CAMTA1: variants seen among roughly 807,000 people sequenced by gnomAD.
CAMTA1 encodes calmodulin binding transcription activator 1.
CAMTA1 carries 27 observed loss-of-function variants against 170.9 expected under a neutral mutation model. The observed-to-expected ratio is 0.16, with a 90% confidence interval of 0.12 to 0.22. CAMTA1 has a LOEUF of 0.22. Ranked by LOEUF, CAMTA1 falls within the 10% of genes least tolerant of loss-of-function variation. The pLI, the probability that CAMTA1 is intolerant of heterozygous loss-of-function variation, is 1.00. For synonymous variants in CAMTA1, 833 were observed against 891.5 expected, an observed-to-expected ratio of 0.93 and a Z score of 1.17; for missense variants, 1,619 against 2,217.2, an observed-to-expected ratio of 0.73 and a Z score of 5.42.
intron 3 of CAMTA1, among the ~76,000 whole-genome samples, chr1:6,892,048 C>G (rs1157360209): frequency 1.3e-5 from 2 of 152,222 alleles, no homozygotes; most frequent in Non-Finnish European, 2.9e-5. Flanking sequence ...CTTCTGCCAT[C>G]AGGAGGCTTT....
chr1:6,820,728 A>C (rs530802783), intron 2 of CAMTA1, among the ~76,000 whole-genome samples: 6 of 152,196 alleles, frequency 3.9e-5, no homozygotes, highest in Non-Finnish European at 8.8e-5. Context: ...GGATTAAATG[A>C]AAGAGTGCAA....
chr1:6,951,504 GT>G (rs1482261223), intron 3 of CAMTA1, among the ~76,000 whole-genome samples: 2 of 152,150 alleles, frequency 1.3e-5, no homozygotes, highest in South Asian at 4.1e-4. Flanking sequence ...AAATGTCTCC[GT>G]TTTCTCCTCC....
intron 5 of CAMTA1, among the ~76,000 whole-genome samples, chr1:7,379,429 A>T (rs2149051992): frequency 6.6e-6 from 1 of 152,298 alleles, no homozygotes; most frequent in Non-Finnish European, 1.5e-5. Context: ...ATCCATTGTG[A>T]GGGATCGTTA....
At chr1:7,140,453 C>G (rs1156646132) in intron 4 of CAMTA1, among the ~76,000 whole-genome samples, 2 of 152,190 alleles carry the variant, frequency 1.3e-5, no homozygotes, top group Non-Finnish European at 2.9e-5. Flanking sequence ...GGGGTCAACT[C>G]CAGCTCTCTC....
rs146586518 is a variant in CAMTA1 at position 6,979,425 on chromosome 1, G to A, written c.235-111879G>A. Among the ~76,000 whole-genome samples, 775 of 152,306 alleles carry A rather than the reference G, an allele frequency of 5.1e-3. 12 individuals carry two copies. The highest frequency in any genetic ancestry group is 0.017 in the African/African-American group (724 of 41,568). On this transcript the variant is annotated intron_variant, in intron 3 of 22. Coordinates refer to ENST00000303635, the MANE Select transcript of CAMTA1 (RefSeq NM_015215.4). Reference sequence around the variant, plus strand: ...CTCCAGAGAAAGATCCATTTAAACCGTGTGCATATGGGGAGGAGTCTCTGG... The same window carrying A: ...CTCCAGAGAAAGATCCATTTAAACCATGTGCATATGGGGAGGAGTCTCTGG...
chr1:7,237,446 A>C (rs1207754439), intron 4 of CAMTA1, among the ~76,000 whole-genome samples: 1 of 152,188 alleles, frequency 6.6e-6, no homozygotes, highest in Non-Finnish European at 1.5e-5. Flanking sequence ...GGAAATGATC[A>C]GTTAGTGACA....
chr1:7,753,586 T>C (rs1288194645), intron 21 of CAMTA1, among the ~76,000 whole-genome samples: 2 of 152,248 alleles, frequency 1.3e-5, no homozygotes, highest in African/African-American at 2.4e-5. Context: ...TTTGAAAATA[T>C]CTTGCCTTTA....
At chr1:7,174,846 AG>A (rs1650442783) in intron 4 of CAMTA1, among the ~76,000 whole-genome samples, 1 of 152,228 alleles carries the variant, frequency 6.6e-6, no homozygotes, top group African/African-American at 2.4e-5. Flanking sequence ...TGTCCTCGTC[AG>A]GCAGGCAGCT....
chr1:7,169,501 A>C (rs1160067021), intron 4 of CAMTA1, among the ~76,000 whole-genome samples: 1 of 152,080 alleles, frequency 6.6e-6, no homozygotes, highest in Non-Finnish European at 1.5e-5. Flanking sequence ...ATAATTTGTC[A>C]ATTTCATTTA....
At chr1:7,344,172 G>C (rs1319872242) in intron 5 of CAMTA1, among the ~76,000 whole-genome samples, 1 of 152,206 alleles carries the variant, frequency 6.6e-6, no homozygotes, top group Admixed American at 6.5e-5. Flanking sequence ...ATGATTGAGG[G>C]CTGGACCCTT....
intron 5 of CAMTA1, among the ~76,000 whole-genome samples, chr1:7,346,259 C>T (rs187616104): frequency 1.2e-4 from 18 of 152,240 alleles, no homozygotes; most frequent in Non-Finnish European, 2.4e-4. Flanking sequence ...TGCTGTGTGA[C>T]CTTGGACAGG....
Position 7,671,016 on chromosome 1 carries a change from G to A in CAMTA1, c.2758G>A (p.Val920Met), listed in dbSNP as rs2096055897. The change falls in exon 10 of 23, where the codon GTG (valine) becomes ATG (methionine). Residue 920 changes from valine to methionine, a missense_variant. By Grantham distance (21) the Val-to-Met change is conservative (BLOSUM62 1). Around this residue, in one of 8 missense-constraint regions of CAMTA1, gnomAD observed 29 missense variants for 70.9 expected, o/e 0.41. Coordinates refer to ENST00000303635, the MANE Select transcript of CAMTA1 (RefSeq NM_015215.4). The part of the protein sequence containing the change: ...SVPASLIQPG[V>M]LRCYCPAHDT... ...GCCTGCATCCCTGATTCAGCCTGGG[G>A]TGCTGCGCTGCTACTGCCCAGGTGA... is the stretch of plus-strand genomic sequence containing the variant. 6.2e-7 allele frequency: 1 copy of A among 1,613,550 alleles called. No homozygotes were observed. Among genetic ancestry groups the A allele is most frequent in the Non-Finnish European group, 8.5e-7 (1 of 1,179,970 alleles).
intron 6 of CAMTA1, among the ~76,000 whole-genome samples, chr1:7,595,804 T>C (rs1576303878): frequency 6.6e-6 from 1 of 152,216 alleles, no homozygotes; most frequent in African/African-American, 2.4e-5. Context: ...GGTCTGACTG[T>C]TGTGTTTTCA....
rs555716043 is a variant in CAMTA1, at chr1:6,918,447, T to C, written c.234+93237T>C. The stretch of plus-strand genomic sequence containing the variant: ...TTACATCATTAATCATTGGCAGTAA[T>C]AGAAAAGTCATTGGAATAGAATGTT... On this transcript the variant is annotated intron_variant, in intron 3 of 22. Transcript: ENST00000303635. The surrounding 1 kb of genome is among the most constrained non-coding windows in gnomAD (Gnocchi z 4.0). 7.2e-5 allele frequency among the ~76,000 whole-genome samples: 11 copies of C among 152,164 alleles called. No individual in the cohort carries two copies. Among genetic ancestry groups the C allele is most frequent in the Non-Finnish European group, 1.3e-4 (9 of 68,012 alleles).
At chr1:7,677,948 C>T (rs2096139679) in intron 11 of CAMTA1, among the ~76,000 whole-genome samples, 1 of 152,240 alleles carries the variant, frequency 6.6e-6, no homozygotes, top group Non-Finnish European at 1.5e-5. Context: ...CACCCTCAAT[C>T]TCAGTCTCTC....
At chr1:7,256,494 AG>A (rs1667388673) in intron 5 of CAMTA1, among the ~76,000 whole-genome samples, 1 of 152,214 alleles carries the variant, frequency 6.6e-6, no homozygotes, top group South Asian at 2.1e-4. Context: ...CGGGAGGCGC[AG>A]CTTGCAGTGA....
intron 4 of CAMTA1, among the ~76,000 whole-genome samples, chr1:7,149,777 G>C (rs572180499): frequency 1.3e-5 from 2 of 152,236 alleles, no homozygotes; most frequent in East Asian, 1.9e-4. Flanking sequence ...CAGCAGGTCA[G>C]AGCTGGGCCA....
In CAMTA1 at chr1:6,994,864, C is replaced by T. The variant is rs1046360102; in HGVS notation, c.235-96440C>T. Reference sequence around the variant, plus strand: ...TGTATTTTCTGTAGAGACAGAGTTTCGCCATGTTGGTCAGGCTGGTCTAAA... The same window carrying T: ...TGTATTTTCTGTAGAGACAGAGTTTTGCCATGTTGGTCAGGCTGGTCTAAA... On this transcript the variant is annotated intron_variant, in intron 3 of 22. Transcript: ENST00000303635. Among the ~76,000 whole-genome samples, 8 of 152,048 alleles carry T rather than the reference C, an allele frequency of 5.3e-5. No homozygotes were observed. In the South Asian group the frequency reaches 8.3e-4, roughly 16 times the overall value.
rs1178094835 is a variant in CAMTA1 at position 7,435,544 on chromosome 1, TC to T, written c.439-32285del. Among the ~76,000 whole-genome samples the T allele has an allele frequency of 1.3e-5, 2 of 152,206 alleles. No individual in the cohort carries two copies. Among genetic ancestry groups the T allele is most frequent in the Admixed American group, 1.3e-4 (2 of 15,290 alleles). On this transcript the variant is annotated intron_variant, in intron 5 of 22. Transcript: ENST00000303635. This position sits in a 1 kb window ranked among gnomAD's most constrained non-coding sequence, Gnocchi z 4.4. The stretch of plus-strand genomic sequence containing the variant: ...AAGAGAGCAACCGGCAGTGGGCTCT[TC>T]AGGGTTCTCAGCCTGGTTCACTGTG...
Sources: allele counts gnomAD v4.1 joint callset (sites outside exome capture counted in the v4.1 genomes callset), GRCh38; gene constraint gnomAD v4.1.1; regional missense constraint gnomAD v4.1.1; non-coding constraint Gnocchi (gnomAD v3.1); transcripts MANE v1.5; gene names NCBI Gene and HGNC (gene_info 2026-07-23, HGNC 2026-07-21).